STPG2: variants seen among roughly 807,000 people sequenced by gnomAD.
STPG2 encodes the protein sperm-tail PG-rich repeat-containing protein 2.
STPG2 carries 56 observed loss-of-function variants against 54.2 expected under a neutral mutation model. The observed-to-expected ratio is 1.03, with a 90% CI of 0.83 to 1.29. STPG2 has a LOEUF of 1.29. STPG2 is among the 50% of genes most tolerant of loss of function. The pLI, the probability that STPG2 is intolerant of heterozygous loss-of-function variation, is 0.00. For synonymous variants in STPG2, 200 were observed against 181.8 expected (o/e 1.10, Z -0.81); for missense variants, 596 against 544.9 (o/e 1.09, Z -0.93).
intron 5 of STPG2, among the ~76,000 whole-genome samples, chr4:97,987,532 C>A (rs10031190): frequency 0.39 from 59,279 of 151,824 alleles, 11,688 homozygotes; most frequent in Middle Eastern, 0.47. Flanking sequence ...TTTTTATATT[C>A]TTAGTCATAT....
At chr4:97,704,358 A>G (rs746462248) in intron 10 of STPG2, among the ~76,000 whole-genome samples, 3 of 152,212 alleles carry the variant, frequency 2.0e-5, no homozygotes, top group African/African-American at 7.2e-5. Flanking sequence ...AAATACTTCC[A>G]TAATATGTCT....
chr4:97,770,333 G>A (rs1032262367), intron 9 of STPG2, among the ~76,000 whole-genome samples: 1 of 152,152 alleles, frequency 6.6e-6, no homozygotes, highest in East Asian at 1.9e-4. Context: ...GCTGAGATCT[G>A]AACAGAGACC....
rs1738892934 is a variant in STPG2 at position 98,097,434 on chromosome 4, C to T, written c.612+8519G>A. ...ATTTGATAAAGTTCAACATACTTGC[C>T]TGATAAAAACCCTCAAAAAACCAGG... On this transcript the variant is annotated intron_variant, in intron 5 of 10. Coordinates refer to ENST00000295268, the MANE Select transcript of STPG2 (RefSeq NM_174952.3). Among the ~76,000 whole-genome samples the T allele has an allele frequency of 4.6e-5, 7 of 152,018 alleles. No individual in the cohort carries two copies. In the South Asian group the frequency reaches 1.4e-3, roughly 31 times the overall value.
intron 7 of STPG2, among the ~76,000 whole-genome samples, chr4:97,944,603 A>C (rs1241930043): frequency 6.6e-6 from 1 of 152,138 alleles, no homozygotes; most frequent in African/African-American, 2.4e-5. Context: ...TAAATAGAAT[A>C]AACAGCAGCA....
intron 10 of STPG2, among the ~76,000 whole-genome samples, chr4:97,710,781 G>T (rs994174018): frequency 1.3e-5 from 2 of 151,902 alleles, no homozygotes; most frequent in Non-Finnish European, 2.9e-5. Context: ...TATGAAAAAA[G>T]TATTTATTGA....
At chr4:97,748,427 T>TA (rs1725485213) in intron 9 of STPG2, among the ~76,000 whole-genome samples, 2 of 151,570 alleles carry the variant, frequency 1.3e-5, no homozygotes, top group African/African-American at 4.8e-5. Flanking sequence ...ATTGAATAGC[T>TA]CACTGACTTA....
At chr4:97,734,607 G>A (rs1184030157) in intron 9 of STPG2, among the ~76,000 whole-genome samples, 2 of 152,126 alleles carry the variant, frequency 1.3e-5, no homozygotes, top group African/African-American at 2.4e-5. Flanking sequence ...ACATTGATAA[G>A]TTTGTGTTTA....
intron 3 of STPG2, among the ~76,000 whole-genome samples, chr4:98,113,774 T>C (rs1560685457): frequency 6.6e-6 from 1 of 151,914 alleles, no homozygotes; most frequent in African/African-American, 2.4e-5. Context: ...AACAAAGCTA[T>C]GAATAAAAAC....
chr4:97,888,605 G>A (rs1426167006), intron 8 of STPG2, among the ~76,000 whole-genome samples: 6 of 152,180 alleles, frequency 3.9e-5, no homozygotes, highest in Admixed American at 1.3e-4. Context: ...CAGGCTCACA[G>A]GCAGAACACA....
intron 9 of STPG2, among the ~76,000 whole-genome samples, chr4:97,772,070 C>T (rs2149063257): frequency 6.6e-6 from 1 of 152,306 alleles, no homozygotes; most frequent in Admixed American, 6.5e-5. Flanking sequence ...CTTCAGCACC[C>T]TCTGCTGAGA....
chr4:97,919,555 C>G (rs747104614), intron 8 of STPG2, among the ~76,000 whole-genome samples: 10 of 151,614 alleles, frequency 6.6e-5, no homozygotes, highest in Non-Finnish European at 1.3e-4. Context: ...TAACTTTAAG[C>G]AAATATATTT....
chr4:97,626,492 C>T (rs1432094999), intron 10 of STPG2, among the ~76,000 whole-genome samples: 1 of 152,106 alleles, frequency 6.6e-6, no homozygotes, highest in Non-Finnish European at 1.5e-5. Flanking sequence ...CACACATCTG[C>T]TATATCATAA....
chr4:98,125,632 A>T (rs1026158540), intron 3 of STPG2, among the ~76,000 whole-genome samples: 1 of 152,188 alleles, frequency 6.6e-6, no homozygotes, highest in Admixed American at 6.5e-5. Context: ...GGAAGGTCTC[A>T]CCCAGACAGG....
intron 4 of STPG2, among the ~76,000 whole-genome samples, chr4:97,541,361 C>G (rs866966779): frequency 2.0e-5 from 3 of 152,052 alleles, no homozygotes; most frequent in Admixed American, 6.6e-5. Context: ...GAGTGAACTC[C>G]CATTCACAAT....
intron 6 of STPG2, among the ~76,000 whole-genome samples, chr4:97,973,893 A>G (rs902106525): frequency 2.6e-5 from 4 of 152,194 alleles, no homozygotes; most frequent in Non-Finnish European, 4.4e-5. Context: ...GTGCAGTTAG[A>G]GCCACCACAC....
At chr4:97,499,554 T>C (rs370574219) in intron 4 of STPG2, among the ~76,000 whole-genome samples, 1 of 152,026 alleles carries the variant, frequency 6.6e-6, no homozygotes, top group East Asian at 1.9e-4. Context: ...TGTTCTAATA[T>C]AAATTTTATA....
At chr4:97,860,517 ATTATT>A (rs1245582853) in intron 8 of STPG2, among the ~76,000 whole-genome samples, 1 of 109,176 alleles carries the variant, frequency 9.2e-6, no homozygotes, top group African/African-American at 3.2e-5. Context: ...ATTTTATTTT[ATTATT>A]TTATTTTATT....
intron 5 of STPG2, among the ~76,000 whole-genome samples, chr4:98,056,199 T>A (rs556635541): frequency 5.9e-5 from 9 of 152,184 alleles, no homozygotes; most frequent in African/African-American, 2.2e-4. Context: ...ACCCTAGTGC[T>A]AACACTGCAC....
At chr4:97,443,595 AAATATGGGT>A (rs1729145523) in intron 4 of STPG2, among the ~76,000 whole-genome samples, 1 of 152,106 alleles carries the variant, frequency 6.6e-6, no homozygotes, top group South Asian at 2.1e-4. Flanking sequence ...TATACTCTAA[AAATATGGGT>A]AATAAGAATT....
Sources: gnomAD v4.1 joint callset for allele counts (sites outside exome capture counted in the v4.1 genomes callset) on GRCh38, gnomAD v4.1.1 for gene constraint, MANE v1.5 for transcripts, NCBI Gene and HGNC (gene_info 2026-07-23, HGNC 2026-07-21) for gene names.